The following GABRG1 variants were observed in gnomAD, a reference collection of about 807,000 sequenced individuals.
The protein encoded by GABRG1 is gamma-aminobutyric acid type A receptor subunit gamma1.
GABRG1 carries 49 observed loss-of-function variants against 49.8 expected under a neutral mutation model. That is an observed-to-expected ratio of 0.98 (90% CI 0.78 to 1.25). The LOEUF is 1.25. GABRG1 is among the 50% of genes most tolerant of loss of function. GABRG1 has a pLI of 0.00. For missense variants in GABRG1, 552 were observed against 552.3 expected, an observed-to-expected ratio of 1.00 and a Z score of 0.01; for synonymous variants, 232 against 185.1, an observed-to-expected ratio of 1.25 and a Z score of -2.06.
At chr4:46,068,865 GA>G (rs773234516) in intron 3 of GABRG1, among the ~76,000 whole-genome samples, 1 of 151,968 alleles carries the variant, frequency 6.6e-6, no homozygotes, top group Non-Finnish European at 1.5e-5. Flanking sequence ...TACTCAGAAC[GA>G]AAATACAAGA....
intron 2 of GABRG1, among the ~76,000 whole-genome samples, chr4:46,095,641 G>A (rs182544353): frequency 2.6e-5 from 4 of 151,858 alleles, no homozygotes; most frequent in Admixed American, 2.6e-4. Flanking sequence ...CTATTAAAGT[G>A]AAAAGTCAGT....
chr4:46,113,460 CTT>C (rs966694809), intron 1 of GABRG1, among the ~76,000 whole-genome samples: 27 of 151,050 alleles, frequency 1.8e-4, no homozygotes, highest in Admixed American at 1.4e-3. Context: ...TGGTCTCTCT[CTT>C]GACACTTGGG....
At chr4:46,100,378 C>T (rs1039250777) in intron 1 of GABRG1, among the ~76,000 whole-genome samples, 1 of 151,368 alleles carries the variant, frequency 6.6e-6, no homozygotes, top group Non-Finnish European at 1.5e-5. Flanking sequence ...GGAGACTAGG[C>T]TTAATACCTG....
chr4:46,066,047 T>A (rs1430795903), intron 3 of GABRG1, among the ~76,000 whole-genome samples: 3 of 152,094 alleles, frequency 2.0e-5, no homozygotes, highest in Non-Finnish European at 4.4e-5. Flanking sequence ...TTTGCATGAG[T>A]CATGTAAAAT....
chr4:46,076,906 G>A (rs1219325779), intron 3 of GABRG1, among the ~76,000 whole-genome samples: 1 of 151,256 alleles, frequency 6.6e-6, no homozygotes, highest in East Asian at 2.0e-4. Flanking sequence ...TATATATATA[G>A]CCTGAAGAAA....
intron 1 of GABRG1, among the ~76,000 whole-genome samples, chr4:46,114,883 T>C (rs1197506167): frequency 2.7e-5 from 4 of 150,794 alleles, no homozygotes; most frequent in African/African-American, 4.8e-5. Context: ...CAACATAGCA[T>C]ATGAAATGAT....
chr4:46,062,463 A>C (rs1718733951), intron 5 of GABRG1, among the ~76,000 whole-genome samples: 1 of 152,158 alleles, frequency 6.6e-6, no homozygotes, highest in Admixed American at 6.5e-5. Context: ...TGATTTCCAC[A>C]ATGGTTGAAC....
chr4:46,114,714 C>T (rs1236190983), intron 1 of GABRG1, among the ~76,000 whole-genome samples: 1 of 150,730 alleles, frequency 6.6e-6, no homozygotes. Context: ...TACCATGAAT[C>T]AAGAACATAA....
At chr4:46,083,768 T>C (rs1204142072) in intron 3 of GABRG1, among the ~76,000 whole-genome samples, 1 of 151,610 alleles carries the variant, frequency 6.6e-6, no homozygotes, top group Non-Finnish European at 1.5e-5. Context: ...CGTTGCATAG[T>C]TCTACCAAAC....
intron 1 of GABRG1, among the ~76,000 whole-genome samples, chr4:46,109,034 A>G (rs1467415729): frequency 1.3e-5 from 2 of 151,020 alleles, no homozygotes; most frequent in Non-Finnish European, 3.0e-5. Flanking sequence ...AGGGTTTTCC[A>G]TATCTCTTAG....
intron 1 of GABRG1, among the ~76,000 whole-genome samples, chr4:46,106,381 GGTTT>G (rs1720547066): frequency 6.6e-6 from 1 of 151,300 alleles, no homozygotes; most frequent in Non-Finnish European, 1.5e-5. Context: ...TATTTACATT[GGTTT>G]GTTTGGTTTG....
intron 1 of GABRG1, among the ~76,000 whole-genome samples, chr4:46,100,876 G>T (rs1372193312): frequency 6.6e-6 from 1 of 150,840 alleles, no homozygotes; most frequent in Non-Finnish European, 1.5e-5. Context: ...CTCAGTTTCG[G>T]CAATAACATA....
In GABRG1 at chr4:46,097,310, C is replaced by A; in HGVS notation, c.144G>T (p.Thr48=). Residue 48 remains threonine (T), a synonymous_variant, in exon 2 of 9, where the codon ACG becomes ACT. Coordinates refer to ENST00000295452, the MANE Select transcript of GABRG1 (RefSeq NM_173536.4). ...KADDEDDEDL[T]VNKTWVLAPK... ...GGGCCAAGACCCAGGTTTTGTTCAC[C>A]GTTAAATCCTCATCATCTTCATCAT... 1 of 1,609,250 alleles carries A rather than the reference C, an allele frequency of 6.2e-7. No homozygotes were observed. Among genetic ancestry groups the A allele is most frequent in the Non-Finnish European group, 8.5e-7 (1 of 1,177,280 alleles).
chr4:46,105,988 C>G (rs912077141), intron 1 of GABRG1, among the ~76,000 whole-genome samples: 6 of 151,440 alleles, frequency 4.0e-5, no homozygotes, highest in African/African-American at 1.5e-4. Flanking sequence ...GCTCTTTACT[C>G]TCCTTCCTGA....
chr4:46,080,862 A>G (rs1319237808), intron 3 of GABRG1, among the ~76,000 whole-genome samples: 2 of 151,900 alleles, frequency 1.3e-5, no homozygotes, highest in Non-Finnish European at 2.9e-5. Context: ...ACTAAACATT[A>G]CAATACTCCA....
At chr4:46,066,524 GAACT>G (rs780025569) in intron 3 of GABRG1, among the ~76,000 whole-genome samples, 2 of 151,990 alleles carry the variant, frequency 1.3e-5, no homozygotes, top group Non-Finnish European at 2.9e-5. Flanking sequence ...TCACATCACA[GAACT>G]AATAAGCAGT....
chr4:46,107,961 A>G (rs984289486), intron 1 of GABRG1, among the ~76,000 whole-genome samples: 1 of 151,254 alleles, frequency 6.6e-6, no homozygotes, highest in Non-Finnish European at 1.5e-5. Flanking sequence ...GTGATAGACA[A>G]AAATCTATGC....
chr4:46,104,406 G>T (rs929826281), intron 1 of GABRG1, among the ~76,000 whole-genome samples: 1 of 151,318 alleles, frequency 6.6e-6, no homozygotes, highest in East Asian at 2.0e-4. Flanking sequence ...ATTTATTGCC[G>T]TGTTGTTGTA....
At position 46,037,981 on chromosome 4, in the gene GABRG1, A is replaced by G. The variant is rs1717596449; in HGVS notation, c.*3007T>C. 6.6e-6 allele frequency: 1 copy of G among 151,722 alleles called. No individual in the cohort carries two copies. Among genetic ancestry groups the G allele is most frequent in the Non-Finnish European group, 1.5e-5 (1 of 67,742 alleles). The allele number at this position is 151,722 out of a possible 1,614,324, so 9.4% of individuals were successfully genotyped here. ...ATGATATACTAATGCCAGAATATGG[A>G]AACACAAGTGAAAAAATCCTTATGA... On this transcript the variant is annotated 3_prime_UTR_variant, in exon 9 of 9. Coordinates refer to ENST00000295452, the MANE Select transcript of GABRG1 (RefSeq NM_173536.4).
Sources: gnomAD v4.1 joint callset for allele counts (sites outside exome capture counted in the v4.1 genomes callset) on GRCh38, gnomAD v4.1.1 for gene constraint, MANE v1.5 for transcripts, NCBI Gene and HGNC (gene_info 2026-07-23, HGNC 2026-07-21) for gene names.